Variants in KIF16B observed in about 807,000 individuals in gnomAD.
KIF16B encodes the protein kinesin-like protein KIF16B.
KIF16B carries 98 observed loss-of-function variants against 156.3 expected under a neutral mutation model. That is an observed-to-expected ratio of 0.63 (90% CI 0.53 to 0.74). The LOEUF is 0.74. Among genes scored for constraint, KIF16B ranks in the 30% least tolerant of loss-of-function variants. The probability of loss-of-function intolerance (pLI) is 0.00; values close to 1 mark genes in which losing one functional copy is unlikely to be tolerated. For missense variants in KIF16B, 1,421 were observed against 1,606.5 expected (o/e 0.88, Z 1.97); for synonymous variants, 564 against 583.7 (o/e 0.97, Z 0.49).
intron 3 of KIF16B, among the ~76,000 whole-genome samples, chr20:16,518,281 T>C (rs2069211947): frequency 6.6e-6 from 1 of 152,146 alleles, no homozygotes; most frequent in South Asian, 2.1e-4. Flanking sequence ...CCACAGAGGA[T>C]GCACCGAGCA....
chr20:16,322,163 AAG>A (rs1453470316), intron 24 of KIF16B, among the ~76,000 whole-genome samples: 1 of 151,980 alleles, frequency 6.6e-6, no homozygotes, highest in Non-Finnish European at 1.5e-5. Context: ...CAAAAGACAA[AAG>A]ACAAAATTCC....
rs1352876904 is a variant in KIF16B, at chr20:16,573,317, G to A, written c.-42C>T. ...GCCCGCGCGGGGTCCCACTAGCCCAGAACTCCGCGGTCGCCGGCGACGCTG... is the reference window on the plus strand; with the variant it reads ...GCCCGCGCGGGGTCCCACTAGCCCAAAACTCCGCGGTCGCCGGCGACGCTG... On this transcript the variant is annotated 5_prime_UTR_variant, in exon 1 of 26. Coordinates refer to ENST00000354981, the MANE Select transcript of KIF16B (RefSeq NM_024704.5). The A allele has an allele frequency of 1.2e-6, 2 of 1,604,386 alleles. No individual in the cohort carries two copies. The highest frequency in any genetic ancestry group is 1.7e-5 in the Admixed American group (1 of 59,432).
chr20:16,548,476 G>A (rs547920944), intron 1 of KIF16B, among the ~76,000 whole-genome samples: 3 of 152,318 alleles, frequency 2.0e-5, no homozygotes, highest in East Asian at 1.9e-4. Context: ...GCAGGCAAGC[G>A]AGCATTACTG....
At chr20:16,310,734 C>A (rs978305747) in intron 25 of KIF16B, among the ~76,000 whole-genome samples, 1 of 151,994 alleles carries the variant, frequency 6.6e-6, no homozygotes, top group Admixed American at 6.6e-5. Flanking sequence ...GCAGACTCAC[C>A]GCAATAATCT....
intron 23 of KIF16B, among the ~76,000 whole-genome samples, chr20:16,354,509 C>T (rs898589943): frequency 6.8e-6 from 1 of 146,462 alleles, no homozygotes; most frequent in African/African-American, 2.6e-5. Flanking sequence ...CACACACACA[C>T]ACAATTTAGA....
intron 15 of KIF16B, among the ~76,000 whole-genome samples, chr20:16,426,260 T>C (rs1235808277): frequency 6.6e-6 from 1 of 151,182 alleles, no homozygotes; most frequent in African/African-American, 2.4e-5. Context: ...GAAAAGTCTC[T>C]CTTTGGGTGG....
intron 1 of KIF16B, 92 bp downstream of exon 1, chr20:16,573,137 T>G: frequency 1.5e-6 from 2 of 1,300,770 alleles, no homozygotes; most frequent in Non-Finnish European, 2.2e-6. Context: ...CGGTGACACT[T>G]TTAAGTCCAG....
chr20:16,436,106 A>T (rs2066634367), intron 12 of KIF16B, among the ~76,000 whole-genome samples: 1 of 151,584 alleles, frequency 6.6e-6, no homozygotes, highest in African/African-American at 2.4e-5. Flanking sequence ...AGCCACCCAT[A>T]GCTATAGTTA....
At chr20:16,519,657 C>G (rs1383704315) in intron 3 of KIF16B, among the ~76,000 whole-genome samples, 1 of 152,200 alleles carries the variant, frequency 6.6e-6, no homozygotes, top group Non-Finnish European at 1.5e-5. Flanking sequence ...AGTTCCCAGG[C>G]GGTACTGATG....
chr20:16,550,478 AT>A (rs1042753282), intron 1 of KIF16B, among the ~76,000 whole-genome samples: 1 of 142,640 alleles, frequency 7.0e-6, no homozygotes, highest in Admixed American at 7.1e-5. Context: ...TAGAAATATC[AT>A]TTTCGTTTTT....
At chr20:16,501,266 G>GAATTGAATTCTTGGTTCAATACCAAT (rs2068613440) in intron 10 of KIF16B, among the ~76,000 whole-genome samples, 1 of 61,074 alleles carries the variant, frequency 1.6e-5, no homozygotes, top group Non-Finnish European at 4.2e-5. Flanking sequence ...TATACACCAA[G>GAATTGAATTCTTGGTTCAATACCAAT]AATTGAATTC....
At chr20:16,367,218 A>G (rs1025026027) in intron 22 of KIF16B, 1 of 1,612,868 alleles carries the variant, frequency 6.2e-7, no homozygotes, top group African/African-American at 1.3e-5. Context: ...TCCAGACCTC[A>G]GGTGCGACAT....
In KIF16B at chr20:16,432,913, G is replaced by A. The variant is rs2066540475; in HGVS notation, c.1303-2931C>T. The stretch of plus-strand genomic sequence containing the variant: ...TGTTCTTCAATTACCACTCTTATCA[G>A]CCAACCTCCCATTCCATGGCTCAGA... On this transcript the variant is annotated intron_variant, in intron 12 of 25. Coordinates refer to ENST00000354981, the MANE Select transcript of KIF16B (RefSeq NM_024704.5). Among the ~76,000 whole-genome samples, 5 of 152,278 alleles carry A rather than the reference G, an allele frequency of 3.3e-5. No individual in the cohort carries two copies. In the South Asian group the frequency reaches 1.0e-3, roughly 32 times the overall value.
intron 12 of KIF16B, among the ~76,000 whole-genome samples, chr20:16,470,925 G>C (rs1011325639): frequency 2.0e-5 from 3 of 151,764 alleles, no homozygotes; most frequent in Non-Finnish European, 4.4e-5. Context: ...CCTTCACTCC[G>C]TTCTCACCTC....
intron 22 of KIF16B, chr20:16,368,251 G>A (rs2064726344): frequency 1.0e-5 from 10 of 1,002,374 alleles, no homozygotes; most frequent in Middle Eastern, 5.1e-4. Context: ...GCGAAAAACT[G>A]AGCTTGGCGA....
At chr20:16,530,377 T>G (rs576402165) in intron 1 of KIF16B, among the ~76,000 whole-genome samples, 7 of 152,304 alleles carry the variant, frequency 4.6e-5, no homozygotes, top group African/African-American at 1.7e-4. Context: ...CTTTCAAGAC[T>G]GTGACTTCTG....
At chr20:16,419,928 T>G (rs531166229) in intron 15 of KIF16B, among the ~76,000 whole-genome samples, 5 of 152,276 alleles carry the variant, frequency 3.3e-5, no homozygotes, top group African/African-American at 1.2e-4. Flanking sequence ...TTTTATGGAC[T>G]AGTATTATGA....
intron 24 of KIF16B, among the ~76,000 whole-genome samples, chr20:16,327,080 C>CAT (rs1401414390): frequency 1.1e-4 from 17 of 150,042 alleles, no homozygotes; most frequent in African/African-American, 4.2e-4. Flanking sequence ...CACACACACA[C>CAT]ACACACACAC....
At chr20:16,558,241 G>C (rs2070926116) in intron 1 of KIF16B, among the ~76,000 whole-genome samples, 1 of 152,238 alleles carries the variant, frequency 6.6e-6, no homozygotes, top group African/African-American at 2.4e-5. Flanking sequence ...TCTAGACACA[G>C]AGTGTGGCAG....
Sources: gnomAD v4.1 joint callset for allele counts (sites outside exome capture counted in the v4.1 genomes callset) on GRCh38, gnomAD v4.1.1 for gene constraint, MANE v1.5 for transcripts, NCBI Gene and HGNC (gene_info 2026-07-23, HGNC 2026-07-21) for gene names.